SHLD1: variants seen among roughly 807,000 people sequenced by gnomAD.
SHLD1 encodes shieldin complex subunit 1, also known as RINN1-REV7-interacting novel NHEJ regulator 3.
A neutral mutation model predicts 5.5 loss-of-function variants in SHLD1; 3 were observed. The ratio of observed to expected loss-of-function variants is 0.54; its 90% CI spans 0.25 to 1.40. SHLD1 has a LOEUF of 1.40. Ranked by LOEUF, SHLD1 falls within the 40% of genes most tolerant of loss-of-function variation. SHLD1 has a pLI of 0.15. For missense variants in SHLD1, 210 were observed against 244.4 expected (o/e 0.86, Z 0.94); for synonymous variants, 92 against 94.3 (o/e 0.98, Z 0.14).
chr20:5,776,991 T>C (rs1424005719), intron 2 of SHLD1, among the ~76,000 whole-genome samples: 1 of 145,650 alleles, frequency 6.9e-6, no homozygotes, highest in Non-Finnish European at 1.5e-5. Context: ...ACATCATCAC[T>C]TTTTTTTTTT....
At chr20:5,778,624 A>G (rs888110466) in intron 2 of SHLD1, among the ~76,000 whole-genome samples, 29 of 151,442 alleles carry the variant, frequency 1.9e-4, no homozygotes, top group African/African-American at 6.8e-4. Context: ...AAAAAAAATA[A>G]GGACCAGATC....
intron 2 of SHLD1, among the ~76,000 whole-genome samples, chr20:5,856,127 G>A (rs935257203): frequency 1.3e-5 from 2 of 152,174 alleles, no homozygotes; most frequent in Non-Finnish European, 2.9e-5. Context: ...CTGGATATTT[G>A]GGGCTTGCTT....
intron 1 of SHLD1, among the ~76,000 whole-genome samples, chr20:5,771,660 G>A (rs1985161403): frequency 6.6e-6 from 1 of 151,720 alleles, no homozygotes; most frequent in Admixed American, 6.6e-5. Context: ...TGTAGCCCAG[G>A]CTGGAGTGCA....
At chr20:5,823,538 C>A (rs2087632385) in intron 2 of SHLD1, among the ~76,000 whole-genome samples, 1 of 151,708 alleles carries the variant, frequency 6.6e-6, no homozygotes, top group African/African-American at 2.4e-5. Context: ...ACCTCTGCCT[C>A]CTGGGTTCAA....
intron 2 of SHLD1, among the ~76,000 whole-genome samples, chr20:5,800,310 T>TA (rs1435333415): frequency 3.9e-5 from 6 of 152,260 alleles, no homozygotes; most frequent in Non-Finnish European, 7.3e-5. Flanking sequence ...TTTTTTCCTA[T>TA]AAAAAACTTT....
At chr20:5,770,644 G>T (rs1985103728) in intron 1 of SHLD1, among the ~76,000 whole-genome samples, 2 of 152,098 alleles carry the variant, frequency 1.3e-5, no homozygotes, top group Admixed American at 1.3e-4. Flanking sequence ...TTTGGTTTGT[G>T]GTTTAATTCA....
In SHLD1 at chr20:5,863,236, C is replaced by G; in HGVS notation, c.391C>G (p.Gln131Glu). 3 of 1,614,204 alleles carry G rather than the reference C, an allele frequency of 1.9e-6. No homozygotes were observed. Among genetic ancestry groups the G allele is most frequent in the Non-Finnish European group, 2.5e-6 (3 of 1,180,032 alleles). The change falls in exon 3 of 3, where the codon CAA becomes GAA. Residue 131 changes from glutamine (Q) to glutamate (E), a missense_variant. Physicochemically the swap from Gln to Glu is conservative, Grantham distance 29 (BLOSUM62 2). Coordinates refer to ENST00000303142, the MANE Select transcript of SHLD1 (RefSeq NM_152504.4). ...VCKCLSQKIT[Q>E]LRGQESQKYA... The stretch of plus-strand genomic sequence containing the variant: ...CAAGTGCCTGTCTCAGAAAATCACT[C>G]AACTAAGAGGCCAGGAGAGCCAAAA...
chr20:5,765,769 C>CTT (rs756234026), intron 1 of SHLD1, among the ~76,000 whole-genome samples: 25,705 of 62,012 alleles, frequency 0.41, 8,980 homozygotes, highest in Non-Finnish European at 0.49. Flanking sequence ...CGCACAAATC[C>CTT]TTTTTTTTTT....
At chr20:5,837,989 A>G (rs1346999570) in intron 2 of SHLD1, among the ~76,000 whole-genome samples, 1 of 152,248 alleles carries the variant, frequency 6.6e-6, no homozygotes, top group African/African-American at 2.4e-5. Flanking sequence ...AAGACGGAAA[A>G]AAAATACCTA....
chr20:5,831,908 A>G (rs534313441), intron 2 of SHLD1, among the ~76,000 whole-genome samples: 1 of 152,114 alleles, frequency 6.6e-6, no homozygotes, highest in South Asian at 2.1e-4. Context: ...CCTATAATAC[A>G]TGTGCTTTCA....
chr20:5,846,502 A>G (rs2087934404), intron 2 of SHLD1, among the ~76,000 whole-genome samples: 1 of 152,330 alleles, frequency 6.6e-6, no homozygotes, highest in African/African-American at 2.4e-5. Flanking sequence ...CTTTCTACTC[A>G]CAAGTGCTGC....
Position 5,863,587 on chromosome 20 carries a change from T to A in SHLD1, c.*124T>A. ...GTGTGCCCAATCCCAATTAAGTGCT[T>A]TGAGGTTAAAGGCTGGCACCTGTGA... On this transcript the variant is annotated 3_prime_UTR_variant, in exon 3 of 3. Coordinates refer to ENST00000303142, the MANE Select transcript of SHLD1 (RefSeq NM_152504.4). The A allele has an allele frequency of 1.0e-6, 1 of 999,850 alleles. No individual in the cohort carries two copies. The highest frequency in any genetic ancestry group is 1.5e-6 in the Non-Finnish European group (1 of 685,426). The allele number at this position is 999,850 out of a possible 1,614,324, so 61.9% of individuals were successfully genotyped here. A position where few individuals can be genotyped will look rare whatever the true frequency, so the allele number is the denominator to read the frequency against.
chr20:5,784,697 G>T (rs577071378), intron 2 of SHLD1, among the ~76,000 whole-genome samples: 1 of 152,098 alleles, frequency 6.6e-6, no homozygotes, highest in African/African-American at 2.4e-5. Flanking sequence ...TGATCCGCCC[G>T]CCTCAGCCTC....
intron 1 of SHLD1, among the ~76,000 whole-genome samples, chr20:5,772,484 T>C (rs1985220384): frequency 6.6e-6 from 1 of 152,204 alleles, no homozygotes; most frequent in South Asian, 2.1e-4. Flanking sequence ...AATTTATGAA[T>C]TGTTTATTTC....
At chr20:5,817,394 T>TCTCTC (rs2087543382) in intron 2 of SHLD1, among the ~76,000 whole-genome samples, 2 of 75,866 alleles carry the variant, frequency 2.6e-5, no homozygotes, top group Non-Finnish European at 5.4e-5. Flanking sequence ...ACGGGATATT[T>TCTCTC]TCTCTCTCTC....
intron 2 of SHLD1, among the ~76,000 whole-genome samples, chr20:5,787,384 G>T (rs1010709105): frequency 1.3e-5 from 2 of 152,244 alleles, no homozygotes; most frequent in African/African-American, 4.8e-5. Context: ...CTTTGCCCTT[G>T]AAGTTGCTGT....
chr20:5,764,359 A>G (rs1471459082), intron 1 of SHLD1, among the ~76,000 whole-genome samples: 2 of 150,460 alleles, frequency 1.3e-5, no homozygotes, highest in African/African-American at 4.9e-5. Flanking sequence ...TGGTTCTCCA[A>G]TTCATGCTTC....
Position 5,855,879 on chromosome 20 carries a change from C to G in SHLD1, c.179-7145C>G, listed in dbSNP as rs902409659. Reference sequence around the variant, plus strand: ...TTTGAAATCAGGCTTGGCCATATGACTTCACGTTAGCCAGTGAAATATGAA... The same window carrying G: ...TTTGAAATCAGGCTTGGCCATATGAGTTCACGTTAGCCAGTGAAATATGAA... On this transcript the variant is annotated intron_variant, in intron 2 of 2. Coordinates refer to ENST00000303142, the MANE Select transcript of SHLD1 (RefSeq NM_152504.4). The surrounding 1 kb of genome is among the most constrained non-coding windows in gnomAD (Gnocchi z 4.4). Among the ~76,000 whole-genome samples, 1 of 152,194 alleles carries G rather than the reference C, an allele frequency of 6.6e-6. No individual in the cohort carries two copies. Among genetic ancestry groups the G allele is most frequent in the African/African-American group, 2.4e-5 (1 of 41,444 alleles).
chr20:5,826,371 A>G (rs1295293541), intron 2 of SHLD1, among the ~76,000 whole-genome samples: 9 of 151,964 alleles, frequency 5.9e-5, no homozygotes, highest in Non-Finnish European at 1.0e-4. Flanking sequence ...GCTAATTGTA[A>G]TATGTTTGAA....
Sources: gnomAD v4.1 joint callset for allele counts (sites outside exome capture counted in the v4.1 genomes callset) on GRCh38, gnomAD v4.1.1 for gene constraint, Gnocchi (gnomAD v3.1) non-coding constraint, MANE v1.5 for transcripts, NCBI Gene and HGNC (gene_info 2026-07-23, HGNC 2026-07-21) for gene names.